CDH20: variants seen among roughly 807,000 people sequenced by gnomAD.
CDH20 encodes cadherin-20.
A neutral mutation model predicts 74.2 loss-of-function variants in CDH20; 29 were observed. The ratio of observed to expected loss-of-function variants is 0.39; its 90% CI spans 0.29 to 0.53. CDH20 has a LOEUF of 0.53. Among genes scored for constraint, CDH20 ranks in the 20% least tolerant of loss-of-function variants. The pLI is 0.69. For missense variants in CDH20, 988 were observed against 1,048.3 expected, an observed-to-expected ratio of 0.94 and a Z score of 0.79; for synonymous variants, 469 against 405.4, an observed-to-expected ratio of 1.16 and a Z score of -1.88.
intron 1 of CDH20, among the ~76,000 whole-genome samples, chr18:61,428,152 AT>A (rs1248082371): frequency 2.0e-5 from 3 of 152,344 alleles, no homozygotes; most frequent in East Asian, 3.9e-4. Context: ...CTTTCAAGGA[AT>A]AAAAGGAATG....
At chr18:61,341,431 C>A (rs1033974597) in intron 1 of CDH20, among the ~76,000 whole-genome samples, 10 of 151,490 alleles carry the variant, frequency 6.6e-5, no homozygotes, top group East Asian at 3.9e-4. Context: ...AGCCCCCCCC[C>A]CGCCTAATGC....
intron 1 of CDH20, among the ~76,000 whole-genome samples, chr18:61,482,429 C>T (rs1910620357): frequency 6.6e-6 from 1 of 152,146 alleles, no homozygotes. Flanking sequence ...GACTCTGCCT[C>T]CTTGATGTTT....
At chr18:61,459,267 G>A (rs1419940126) in intron 1 of CDH20, among the ~76,000 whole-genome samples, 1 of 152,136 alleles carries the variant, frequency 6.6e-6, no homozygotes, top group Non-Finnish European at 1.5e-5. Context: ...TTTGATGATG[G>A]GATATAGGTT....
chr18:61,432,329 G>A (rs573727997), intron 1 of CDH20, among the ~76,000 whole-genome samples: 111 of 150,194 alleles, frequency 7.4e-4, no homozygotes, highest in African/African-American at 2.6e-3. Flanking sequence ...CATGCTTTTC[G>A]TCTGTTCTCC....
At position 61,555,381 on chromosome 18, in the gene CDH20, A is replaced by C; in HGVS notation, c.*686A>C. The C allele has an allele frequency of 1.0e-6, 1 of 985,506 alleles. No individual in the cohort carries two copies. The allele number at this position is 985,506 out of a possible 1,614,324, so 61.0% of individuals were successfully genotyped here. ...CATTACAGCTCATCCAACGCCATCA[A>C]GTTAGAGTGCTCGTGTCTCCTCTCA... On this transcript the variant is annotated 3_prime_UTR_variant, in exon 12 of 12. Coordinates refer to ENST00000262717, the MANE Select transcript of CDH20 (RefSeq NM_031891.4).
At chr18:61,423,560 C>G (rs1465113533) in intron 1 of CDH20, among the ~76,000 whole-genome samples, 1 of 152,080 alleles carries the variant, frequency 6.6e-6, no homozygotes, top group Non-Finnish European at 1.5e-5. Flanking sequence ...CAGGCTGACT[C>G]TCTCTGGAAA....
chr18:61,503,669 T>G (rs1453245886), intron 5 of CDH20, among the ~76,000 whole-genome samples: 1 of 152,186 alleles, frequency 6.6e-6, no homozygotes, highest in Admixed American at 6.5e-5. Flanking sequence ...ACAGGAGGCT[T>G]GGAATCCTGT....
At chr18:61,383,450 A>G (rs1180338106) in intron 1 of CDH20, among the ~76,000 whole-genome samples, 2 of 152,046 alleles carry the variant, frequency 1.3e-5, no homozygotes, top group Admixed American at 1.3e-4. Flanking sequence ...GCATGGTGGC[A>G]TGGGCCTGTA....
rs1913156880 is a variant in CDH20 at position 61,428,746 on chromosome 18, G to A, written c.-152-61656G>A. On this transcript the variant is annotated intron_variant, in intron 1 of 11. Transcript: ENST00000262717. Reference sequence around the variant, plus strand: ...TCTCAGACACTAGCCCATGGTTCCTGAAACAGACTTTTCCCTCTGAAATGT... The same window carrying A: ...TCTCAGACACTAGCCCATGGTTCCTAAAACAGACTTTTCCCTCTGAAATGT... Among the ~76,000 whole-genome samples, 3 of 152,180 alleles carry A rather than the reference G, an allele frequency of 2.0e-5. No homozygotes were observed. The South Asian group carries it at 6.2e-4, about 31-fold the overall frequency.
intron 2 of CDH20, among the ~76,000 whole-genome samples, chr18:61,495,305 A>G (rs1911097798): frequency 6.6e-6 from 1 of 152,216 alleles, no homozygotes; most frequent in South Asian, 2.1e-4. Context: ...TTGAAACCAA[A>G]TGTGTATTCT....
At chr18:61,473,583 C>A (rs1225435137) in intron 1 of CDH20, among the ~76,000 whole-genome samples, 1 of 152,150 alleles carries the variant, frequency 6.6e-6, no homozygotes, top group African/African-American at 2.4e-5. Context: ...AACCTAAATT[C>A]TTTTACCAAC....
At chr18:61,434,468 C>T (rs1038567079) in intron 1 of CDH20, among the ~76,000 whole-genome samples, 1 of 152,102 alleles carries the variant, frequency 6.6e-6, no homozygotes, top group Non-Finnish European at 1.5e-5. Flanking sequence ...AAGTATTTTG[C>T]ATGGTAACCT....
At chr18:61,545,235 TACCTGTTCC>T (rs1480267373) in intron 10 of CDH20, 91 bp downstream of exon 10, 1 of 820,868 alleles carries the variant, frequency 1.2e-6, no homozygotes, top group Non-Finnish European at 2.2e-6. Context: ...TGTCAAAGGC[TACCTGTTCC>T]ATACCAGCAG....
At chr18:61,552,550 G>GC (rs1329594043) in intron 11 of CDH20, among the ~76,000 whole-genome samples, 1 of 151,808 alleles carries the variant, frequency 6.6e-6, no homozygotes, top group Non-Finnish European at 1.5e-5. Flanking sequence ...CCAAAATACC[G>GC]CCCCTACCAC....
chr18:61,404,395 C>G (rs995301177), intron 1 of CDH20, among the ~76,000 whole-genome samples: 2 of 152,094 alleles, frequency 1.3e-5, no homozygotes, highest in Non-Finnish European at 2.9e-5. Flanking sequence ...AGGCCACTAA[C>G]CCACCAAAAT....
chr18:61,435,544 T>A (rs1373592676), intron 1 of CDH20, among the ~76,000 whole-genome samples: 1 of 151,986 alleles, frequency 6.6e-6, no homozygotes, highest in East Asian at 1.9e-4. Context: ...AATAAGAAGT[T>A]GACCTTTATA....
Position 61,554,584 on chromosome 18 carries a change from G to C in CDH20, c.2295G>C (p.Ser765=), listed in dbSNP as rs377221322. The C allele has an allele frequency of 6.2e-7, 1 of 1,609,016 alleles. No homozygotes were observed. Among genetic ancestry groups the C allele is most frequent in the South Asian group, 1.1e-5 (1 of 90,334 alleles). The stretch of plus-strand genomic sequence containing the variant: ...CGGGGTCGCTGAGCTCCCTGCAGTC[G>C]GCCACGTCGGACTCGGAACAGAGCT... ...SVAGSLSSLQ[S]ATSDSEQSFD... is the part of the protein sequence containing the mutation. Residue 765 remains serine, a synonymous_variant, in exon 12 of 12, where the codon TCG becomes TCC. Transcript: ENST00000262717.
At chr18:61,335,179 T>C (rs981684491) in intron 1 of CDH20, among the ~76,000 whole-genome samples, 7 of 152,144 alleles carry the variant, frequency 4.6e-5, no homozygotes, top group African/African-American at 1.2e-4. Context: ...ATCTTGAGAG[T>C]TGACCCAGCG....
chr18:61,452,848 T>G lies in CDH20; in HGVS notation c.-152-37554T>G, dbSNP rs7238399. 2.8e-3 allele frequency among the ~76,000 whole-genome samples: 427 copies of G among 152,330 alleles called. 2 individuals carry two copies. The highest frequency in any genetic ancestry group is 9.6e-3 in the African/African-American group (401 of 41,584). ...TCCTTCCCTCTCCTATTTGATATTT[T>G]TATTGCACTAATAATTCGTGAATAT... On this transcript the variant is annotated intron_variant, in intron 1 of 11. Transcript: ENST00000262717.
Sources: gnomAD v4.1 joint callset for allele counts (sites outside exome capture counted in the v4.1 genomes callset) on GRCh38, gnomAD v4.1.1 for gene constraint, MANE v1.5 for transcripts, NCBI Gene and HGNC (gene_info 2026-07-23, HGNC 2026-07-21) for gene names.